Variants in CHD9 observed in about 807,000 individuals in gnomAD.
CHD9 encodes chromodomain helicase DNA binding protein 9.
Under a neutral mutation model 316.1 loss-of-function variants are expected in CHD9, and 77 were observed. The ratio of observed to expected loss-of-function variants is 0.24; its 90% CI spans 0.20 to 0.29. The LOEUF is 0.29. CHD9 is among the 10% of genes least tolerant of loss of function. The pLI, the probability that CHD9 is intolerant of heterozygous loss-of-function variation, is 1.00. For synonymous variants in CHD9, 1,129 were observed against 1,158.3 expected (o/e 0.97, Z 0.51); for missense variants, 2,763 against 3,438.1 (o/e 0.80, Z 4.91).
chr16:53,065,408 A>G (rs2033400238), intron 1 of CHD9, among the ~76,000 whole-genome samples: 1 of 152,092 alleles, frequency 6.6e-6, no homozygotes, highest in African/African-American at 2.4e-5. Context: ...CAAAGGCAGA[A>G]GGATTGCTTG....
chr16:53,146,902 T>A (rs1455399859), intron 1 of CHD9, among the ~76,000 whole-genome samples: 2 of 152,126 alleles, frequency 1.3e-5, no homozygotes, highest in Non-Finnish European at 2.9e-5. Context: ...TAATCACTGT[T>A]GCTATTTTTT....
At chr16:53,056,993 T>C (rs1433559110) in intron 1 of CHD9, among the ~76,000 whole-genome samples, 1 of 151,982 alleles carries the variant, frequency 6.6e-6, no homozygotes, top group Non-Finnish European at 1.5e-5. Context: ...TTAAAAATTA[T>C]ACACATTGAA....
At chr16:53,104,513 T>C (rs1198745014) in intron 1 of CHD9, among the ~76,000 whole-genome samples, 3 of 152,128 alleles carry the variant, frequency 2.0e-5, no homozygotes, top group Non-Finnish European at 4.4e-5. Flanking sequence ...AGAAACTGTA[T>C]AAGAAAGTTA....
intron 1 of CHD9, among the ~76,000 whole-genome samples, chr16:53,086,097 A>C (rs541747344): frequency 2.6e-5 from 4 of 152,292 alleles, no homozygotes; most frequent in South Asian, 2.1e-4. Flanking sequence ...AAGAAAAGAA[A>C]AGAACAGCCA....
intron 27 of CHD9, among the ~76,000 whole-genome samples, chr16:53,290,126 T>A (rs2054207298): frequency 6.6e-6 from 1 of 151,990 alleles, no homozygotes; most frequent in African/African-American, 2.4e-5. Context: ...ATACAAAAAT[T>A]AGCCAGGCAT....
intron 27 of CHD9, among the ~76,000 whole-genome samples, chr16:53,288,419 C>G (rs990583805): frequency 2.4e-4 from 37 of 152,120 alleles, no homozygotes; most frequent in Non-Finnish European, 1.5e-5. Context: ...TCTGAGTTGC[C>G]AAAGCATAGT....
At chr16:53,163,605 A>G (rs1194716391) in intron 2 of CHD9, among the ~76,000 whole-genome samples, 2 of 152,120 alleles carry the variant, frequency 1.3e-5, no homozygotes, top group East Asian at 1.9e-4. Context: ...TGATGCATAC[A>G]TTTTCCATGG....
At chr16:53,305,806 G>A (rs757187474) in intron 31 of CHD9, among the ~76,000 whole-genome samples, 3 of 152,132 alleles carry the variant, frequency 2.0e-5, no homozygotes, top group African/African-American at 4.8e-5. Flanking sequence ...CGGGGTTGCC[G>A]CAAGAAACAT....
chr16:53,157,687 ATTG>A, intron 2 of CHD9, 146 bp downstream of exon 2: 1 of 765,680 alleles, frequency 1.3e-6, no homozygotes, highest in Non-Finnish European at 2.1e-6. Context: ...ATAGGTTTAT[ATTG>A]TTTTACAAGT....
chr16:53,269,592 A>G (rs960355937), intron 22 of CHD9, among the ~76,000 whole-genome samples: 5 of 152,212 alleles, frequency 3.3e-5, no homozygotes, highest in Admixed American at 1.3e-4. Flanking sequence ...AGTTTAATTA[A>G]TGTGAAGACC....
chr16:53,274,403 A>T (rs57281432), intron 24 of CHD9, 101 bp downstream of exon 24: 175,328 of 599,952 alleles, frequency 0.29, 25,901 homozygotes, highest in Middle Eastern at 0.34. Flanking sequence ...GCCTCCTGAG[A>T]GGCTCGCACT....
At chr16:53,228,225 C>T (rs1490186292) in intron 7 of CHD9, among the ~76,000 whole-genome samples, 1 of 151,790 alleles carries the variant, frequency 6.6e-6, no homozygotes, top group East Asian at 1.9e-4. Flanking sequence ...ATTTTATTGT[C>T]CTTATAAAAT....
At chr16:53,204,538 T>C (rs1041647899) in intron 2 of CHD9, among the ~76,000 whole-genome samples, 15 of 152,204 alleles carry the variant, frequency 9.9e-5, no homozygotes, top group Non-Finnish European at 1.5e-5. Flanking sequence ...CCTCTTCTAC[T>C]CTATTTGTTT....
At chr16:53,170,622 G>A (rs1239273999) in intron 2 of CHD9, among the ~76,000 whole-genome samples, 1 of 143,870 alleles carries the variant, frequency 7.0e-6, no homozygotes, top group Non-Finnish European at 1.5e-5. Context: ...TGTGTGTGTT[G>A]GAAGCTTGTG....
At chr16:53,103,866 A>T (rs990218729) in intron 1 of CHD9, among the ~76,000 whole-genome samples, 2 of 152,228 alleles carry the variant, frequency 1.3e-5, no homozygotes, top group Non-Finnish European at 2.9e-5. Context: ...ATTGCATTTC[A>T]TAGAGGCAGC....
chr16:53,319,315 C>T (rs2057105015), intron 37 of CHD9, among the ~76,000 whole-genome samples: 1 of 152,158 alleles, frequency 6.6e-6, no homozygotes, highest in Admixed American at 6.5e-5. Context: ...CTGTTAAATG[C>T]ACTCACTGCT....
chr16:53,264,895 T>C (rs1349465084), intron 20 of CHD9, among the ~76,000 whole-genome samples: 1 of 152,144 alleles, frequency 6.6e-6, no homozygotes, highest in African/African-American at 2.4e-5. Flanking sequence ...TGGTAATAGA[T>C]GAGGTCAGAG....
At chr16:53,243,232 A>G (rs745974015) in intron 13 of CHD9, among the ~76,000 whole-genome samples, 16 of 152,184 alleles carry the variant, frequency 1.1e-4, no homozygotes, top group Non-Finnish European at 2.1e-4. Context: ...TCCTTCAAAA[A>G]GCATTAGTAA....
At chr16:53,250,977 A>G (rs1213618564) in intron 17 of CHD9, among the ~76,000 whole-genome samples, 3 of 152,238 alleles carry the variant, frequency 2.0e-5, no homozygotes, top group Admixed American at 1.3e-4. Context: ...GTTATTGAGA[A>G]TATACCTAGC....
Sources: allele counts gnomAD v4.1 joint callset (sites outside exome capture counted in the v4.1 genomes callset), GRCh38; gene constraint gnomAD v4.1.1; transcripts MANE v1.5; gene names NCBI Gene and HGNC (gene_info 2026-07-23, HGNC 2026-07-21).